Variants in IARS1 observed in about 807,000 individuals in gnomAD.
The protein encoded by IARS1 is isoleucyl-tRNA synthetase 1.
In IARS1, 124 loss-of-function variants were observed where a neutral mutation model predicts 168.2. That is an observed-to-expected ratio of 0.74 (90% CI 0.64 to 0.86). IARS1 has a LOEUF of 0.86. Among genes scored for constraint, IARS1 ranks in the 40% least tolerant of loss-of-function variants. IARS1 has a pLI of 0.00. For missense variants in IARS1, 1,452 were observed against 1,515.8 expected (o/e 0.96, Z 0.70); for synonymous variants, 532 against 529.4 (o/e 1.00, Z -0.07).
chr9:92,292,048 A>C, intron 1 of IARS1, among the ~76,000 whole-genome samples: 1 of 141,382 alleles, frequency 7.1e-6, no homozygotes, highest in Admixed American at 7.5e-5. Context: ...ACAGTGGCTC[A>C]CTCTGTCACC....
intron 27 of IARS1, among the ~76,000 whole-genome samples, chr9:92,243,983 A>T (rs1410733994): frequency 6.6e-6 from 1 of 152,226 alleles, no homozygotes; most frequent in Non-Finnish European, 1.5e-5. Context: ...ATTAGGCATC[A>T]TCTCATTTAC....
At position 92,249,863 on chromosome 9, in the gene IARS1, T is replaced by C; in HGVS notation, c.2611A>G (p.Ile871Val). 1 of 1,558,538 alleles carries C rather than the reference T, an allele frequency of 6.4e-7. No individual in the cohort carries two copies. Among genetic ancestry groups the C allele is most frequent in the African/African-American group, 1.4e-5 (1 of 73,860 alleles). ...KDIKSLEKYI[I>V]EELNVRKVTL... Reference sequence around the variant, plus strand: ...AGACAAATCATCTACCTTACCTCAATGATATACTTCTCCAAAGACTTGATA... The same window carrying C: ...AGACAAATCATCTACCTTACCTCAACGATATACTTCTCCAAAGACTTGATA... The change falls in exon 25 of 34, where the codon ATT becomes GTT. Residue 871 changes from isoleucine (I) to valine (V), a missense_variant. Transcript: ENST00000443024.
intron 17 of IARS1, among the ~76,000 whole-genome samples, chr9:92,260,572 C>T (rs929707643): frequency 6.6e-6 from 1 of 152,036 alleles, no homozygotes; most frequent in Non-Finnish European, 1.5e-5. Flanking sequence ...GGAGAATTGC[C>T]TGAACCTGAG....
chr9:92,253,793 G>A, intron 20 of IARS1: 1 of 497,162 alleles, frequency 2.0e-6, no homozygotes, highest in Non-Finnish European at 4.0e-6. Context: ...ACACGGAGCT[G>A]TGCAATTTGA....
intron 25 of IARS1, among the ~76,000 whole-genome samples, chr9:92,248,902 G>A (rs1054687285): frequency 4.6e-5 from 7 of 151,966 alleles, no homozygotes; most frequent in Admixed American, 3.3e-4. Context: ...AAACATATGC[G>A]TTTTTAAAAC....
chr9:92,243,116 G>A (rs866287467), intron 28 of IARS1, 100 bp downstream of exon 28: 1 of 771,674 alleles, frequency 1.3e-6, no homozygotes, highest in Middle Eastern at 2.4e-4. Context: ...GTTATGCATT[G>A]ATCACTATGG....
chr9:92,264,783 G>T, intron 16 of IARS1, 146 bp downstream of exon 16: 1 of 665,054 alleles, frequency 1.5e-6, no homozygotes, highest in Non-Finnish European at 2.5e-6. Context: ...GTGCTTGGTG[G>T]TGGAGGGGAG....
At position 92,258,918 on chromosome 9, in the gene IARS1, T is replaced by C. The variant is rs758132770; in HGVS notation, c.1952A>G (p.Asp651Gly). The C allele has an allele frequency of 1.2e-6, 2 of 1,613,994 alleles. No homozygotes were observed. Among genetic ancestry groups the C allele is most frequent in the Non-Finnish European group, 1.7e-6 (2 of 1,179,962 alleles). ...KEEGVRDVLK[D>G]VLLPWYNAYR... Reference sequence around the variant, plus strand: ...GGCATTGTACCATGGGAGCAGTACATCCTTAAGGACGTCCCGCACACCCTC... The same window carrying C: ...GGCATTGTACCATGGGAGCAGTACACCCTTAAGGACGTCCCGCACACCCTC... The change falls in exon 19 of 34, where the codon GAT becomes GGT. Residue 651 changes from aspartate (D) to glycine (G), a missense_variant. Physicochemically the swap from Asp to Gly is moderately conservative, Grantham distance 94. Transcript: ENST00000443024.
At chr9:92,223,541 G>T in intron 31 of IARS1, 52 bp from the exon 32 acceptor site, 3 of 1,463,050 alleles carry the variant, frequency 2.1e-6, no homozygotes, top group Non-Finnish European at 2.8e-6. Flanking sequence ...ATTCAAAACT[G>T]AAGTCATTCA....
At chr9:92,220,061 A>G (rs1218818005) in intron 33 of IARS1, among the ~76,000 whole-genome samples, 3 of 146,392 alleles carry the variant, frequency 2.0e-5, no homozygotes, top group African/African-American at 7.7e-5. Context: ...AATGTGGCAC[A>G]TATACAACAT....
intron 26 of IARS1, 125 bp downstream of exon 26, chr9:92,247,252 A>AGGACACGACG (rs1587784540): frequency 4.0e-6 from 3 of 747,824 alleles, no homozygotes; most frequent in East Asian, 5.2e-5. Flanking sequence ...AGGAAAGGAC[A>AGGACACGACG]GGACACGACG....
chr9:92,222,340 C>CAAAAAAAAAA (rs60335070), intron 33 of IARS1, among the ~76,000 whole-genome samples, 180 bp downstream of exon 33: 6 of 55,394 alleles, frequency 1.1e-4, no homozygotes, highest in Admixed American at 2.7e-4. Context: ...GACTCAGTCT[C>CAAAAAAAAAA]AAAAAAAAAA....
intron 30 of IARS1, 144 bp from the exon 31 acceptor site, chr9:92,229,270 T>C (rs1826256841): frequency 6.3e-6 from 4 of 639,800 alleles, no homozygotes; most frequent in Non-Finnish European, 1.1e-5. Flanking sequence ...TATGTGTATA[T>C]ATAGCTTATT....
intron 30 of IARS1, among the ~76,000 whole-genome samples, chr9:92,229,388 C>CACA (rs547012999): frequency 2.7e-5 from 4 of 150,572 alleles, no homozygotes; most frequent in South Asian, 2.1e-4. Context: ...CACACACACA[C>CACA]ATCTCCATCC....
At chr9:92,211,194 A>G (rs746017435) in intron 33 of IARS1, among the ~76,000 whole-genome samples, 10 of 152,226 alleles carry the variant, frequency 6.6e-5, no homozygotes, top group Non-Finnish European at 1.5e-4. Context: ...GTCACATGGT[A>G]TATCAGTTGA....
intron 5 of IARS1, 142 bp from the exon 6 acceptor site, chr9:92,285,981 A>G (rs1835390695): frequency 1.7e-6 from 1 of 593,478 alleles, no homozygotes; most frequent in Non-Finnish European, 3.0e-6. Context: ...TGGCTGGTAA[A>G]TTATAACAGA....
Position 92,293,599 on chromosome 9 carries a change from G to A in IARS1, c.-8+12C>T. On this transcript the variant is annotated intron_variant, in intron 1 of 33. Coordinates refer to ENST00000443024, the MANE Select transcript of IARS1 (RefSeq NM_002161.6). ...TTTGAGGGCCGGATCCTGCAGGGAAGAGAGGGCGTACCTGAGGGGCCTCGC... is the reference window on the plus strand; with the variant it reads ...TTTGAGGGCCGGATCCTGCAGGGAAAAGAGGGCGTACCTGAGGGGCCTCGC... 1 of 385,044 alleles carries A rather than the reference G, an allele frequency of 2.6e-6. No homozygotes were observed. Among genetic ancestry groups the A allele is most frequent in the Non-Finnish European group, 5.4e-6 (1 of 186,636 alleles). 23.9% of individuals were successfully genotyped at this position (385,044 alleles called of 1,614,324 possible). A position where few individuals can be genotyped will look rare whatever the true frequency, so the allele number is the denominator to read the frequency against.
intron 20 of IARS1, among the ~76,000 whole-genome samples, chr9:92,254,459 AC>A (rs1193368434): frequency 6.6e-6 from 1 of 152,232 alleles, no homozygotes; most frequent in Non-Finnish European, 1.5e-5. Context: ...AAGCTAAGAG[AC>A]GAGAAGTTGC....
intron 28 of IARS1, 37 bp from the exon 29 acceptor site, chr9:92,242,367 C>T (rs1202886225): frequency 1.3e-6 from 2 of 1,538,464 alleles, no homozygotes; most frequent in Non-Finnish European, 1.8e-6. Flanking sequence ...AAGGGAAGTA[C>T]ATTCTATTAA....
Sources: gnomAD v4.1 joint callset for allele counts (sites outside exome capture counted in the v4.1 genomes callset) on GRCh38, gnomAD v4.1.1 for gene constraint, MANE v1.5 for transcripts, NCBI Gene and HGNC (gene_info 2026-07-23, HGNC 2026-07-21) for gene names.